Variants in UEVLD observed in about 807,000 individuals in gnomAD.
UEVLD encodes the protein UEV and lactate/malate dehyrogenase domains, also known as ubiquitin-conjugating enzyme E2 variant 3.
In UEVLD, 47 loss-of-function variants were observed where a neutral mutation model predicts 58.6. The ratio of observed to expected loss-of-function variants is 0.80; its 90% CI spans 0.63 to 1.02. UEVLD has a LOEUF of 1.02. UEVLD is among the 50% of genes least tolerant of loss of function. UEVLD has a pLI of 0.00. For synonymous variants in UEVLD, 197 were observed against 195.3 expected (o/e 1.01, Z -0.07); for missense variants, 510 against 550.6 (o/e 0.93, Z 0.74).
chr11:18,543,314 C>T (rs1024253207), intron 9 of UEVLD, among the ~76,000 whole-genome samples: 4 of 152,294 alleles, frequency 2.6e-5, no homozygotes, highest in Admixed American at 1.3e-4. Context: ...TCCAGCTCTT[C>T]GATCGGGTAT....
intron 3 of UEVLD, among the ~76,000 whole-genome samples, chr11:18,571,676 G>A (rs1590361941): frequency 6.6e-6 from 1 of 152,186 alleles, no homozygotes; most frequent in East Asian, 1.9e-4. Flanking sequence ...CATAACTTAA[G>A]TTGGATGTAA....
rs988309309 is a variant in UEVLD at position 18,529,636 on chromosome 11, A to G, written c.*2684T>C. The G allele has an allele frequency of 6.6e-6, 1 of 152,212 alleles. No individual in the cohort carries two copies. The highest frequency in any genetic ancestry group is 1.5e-5 in the Non-Finnish European group (1 of 68,032). The allele number at this position is 152,212 out of a possible 1,614,324, so 9.4% of individuals were successfully genotyped here. Reference sequence around the variant, plus strand: ...ATTTTAAAATCAGTTTATTTTACTCATTATTCTTAATATTTAAGGAAAACA... The same window carrying G: ...ATTTTAAAATCAGTTTATTTTACTCGTTATTCTTAATATTTAAGGAAAACA... On this transcript the variant is annotated 3_prime_UTR_variant, in exon 12 of 12. Coordinates refer to ENST00000396197, the MANE Select transcript of UEVLD (RefSeq NM_001040697.4).
At chr11:18,588,323 A>C (rs1853692024) in intron 1 of UEVLD, among the ~76,000 whole-genome samples, 1 of 152,172 alleles carries the variant, frequency 6.6e-6, no homozygotes, top group African/African-American at 2.4e-5. Context: ...AAAGAGAGAA[A>C]GGCGTGGTTA....
At chr11:18,554,392 ATTTTT>A (rs34857682) in intron 7 of UEVLD, among the ~76,000 whole-genome samples, 1 of 107,550 alleles carries the variant, frequency 9.3e-6, no homozygotes. Flanking sequence ...GTGCCTGGCC[ATTTTT>A]TTTTTTTTTT....
At chr11:18,566,233 G>A (rs2134024919) in intron 5 of UEVLD, 114 bp downstream of exon 5, 1 of 1,434,356 alleles carries the variant, frequency 7.0e-7, no homozygotes, top group East Asian at 2.3e-5. Flanking sequence ...AAAAACAGAT[G>A]TACATACGCA....
rs770480885 is a variant in UEVLD, at chr11:18,546,963, C to T, written c.803G>A (p.Ser268Asn). ...AAGGGCTCTGAACATATCCACATTG[C>T]TCTGTACCACATCAAGGTACGACTG... Reference protein sequence around the residue: ...SSQSYLDVVQSNVDMFRALVP... With the variant: ...SSQSYLDVVQNNVDMFRALVP... The change falls in exon 8 of 12, where the codon AGC (serine) becomes AAC (asparagine). Residue 268 changes from serine (S) to asparagine (N), a missense_variant. Transcript: ENST00000396197. 1 of 1,614,154 alleles carries T rather than the reference C, an allele frequency of 6.2e-7. No homozygotes were observed. Among genetic ancestry groups the T allele is most frequent in the Non-Finnish European group, 8.5e-7 (1 of 1,180,022 alleles).
In UEVLD at chr11:18,547,022, C is replaced by A. The variant is rs1042385735; in HGVS notation, c.744G>T (p.Val248=). Reference sequence around the variant, plus strand: ...CCAAAGAGTTGACTGTGAAGATCACCACCTTGGAATGAGCAGAGGCAGACA... The same window carrying A: ...CCAAAGAGTTGACTGTGAAGATCACAACCTTGGAATGAGCAGAGGCAGACA... ...KDLSASAHSK[V]VIFTVNSLGS... is the part of the protein sequence containing the mutation. The change falls in exon 8 of 12, where the codon GTG becomes GTT. Residue 248 remains valine, a synonymous_variant. Coordinates refer to ENST00000396197, the MANE Select transcript of UEVLD (RefSeq NM_001040697.4). 2.5e-6 allele frequency: 4 copies of A among 1,613,598 alleles called. No individual in the cohort carries two copies. The highest frequency in any genetic ancestry group is 3.4e-6 in the Non-Finnish European group (4 of 1,179,926).
At chr11:18,582,968 G>C (rs945378881) in intron 1 of UEVLD, among the ~76,000 whole-genome samples, 4 of 152,264 alleles carry the variant, frequency 2.6e-5, no homozygotes, top group African/African-American at 9.6e-5. Context: ...TGTCGCCCAG[G>C]CTGGAGTGCA....
chr11:18,537,154 C>G (rs566313882), intron 9 of UEVLD, among the ~76,000 whole-genome samples: 1 of 151,642 alleles, frequency 6.6e-6, no homozygotes, highest in Admixed American at 6.6e-5. Context: ...CTGCTTCGGC[C>G]TCCCAAAGTG....
intron 1 of UEVLD, among the ~76,000 whole-genome samples, chr11:18,586,349 G>T (rs752972896): frequency 1.3e-5 from 2 of 152,120 alleles, no homozygotes; most frequent in African/African-American, 2.4e-5. Context: ...CGAGTAGATG[G>T]GATTACAGGA....
Position 18,588,629 on chromosome 11 carries a change from C to A in UEVLD, c.26G>T (p.Arg9Ile). ...TGCCCGCACCTTGCCAAGCAGCCGT[C>A]TCAGGCCCTCGCAGTCGAACTCCAT... MEFDCEGL[R>I]RLLGKYKFRD... Residue 9 changes from arginine to isoleucine, a missense_variant, in exon 1 of 12, where the codon AGA becomes ATA. Transcript: ENST00000396197. 1 of 1,610,398 alleles carries A rather than the reference C, an allele frequency of 6.2e-7. No individual in the cohort carries two copies. The highest frequency in any genetic ancestry group is 8.5e-7 in the Non-Finnish European group (1 of 1,179,876).
chr11:18,572,881 G>A (rs576638720), intron 3 of UEVLD, among the ~76,000 whole-genome samples: 2 of 151,816 alleles, frequency 1.3e-5, no homozygotes, highest in East Asian at 3.9e-4. Context: ...TATATGCCAG[G>A]CACTATGCCC....
intron 10 of UEVLD, 34 bp from the exon 11 acceptor site, chr11:18,534,487 C>T: frequency 6.5e-7 from 1 of 1,546,164 alleles, no homozygotes; most frequent in Non-Finnish European, 8.6e-7. Flanking sequence ...TCAGAAAATG[C>T]ATAAAATATG....
At chr11:18,557,002 G>C (rs1428004914) in intron 7 of UEVLD, among the ~76,000 whole-genome samples, 1 of 150,884 alleles carries the variant, frequency 6.6e-6, no homozygotes, top group East Asian at 1.9e-4. Flanking sequence ...AGAGGTGAAA[G>C]GATAGCTTGA....
intron 2 of UEVLD, 30 bp from the exon 3 acceptor site, chr11:18,575,442 G>A (rs777248222): frequency 2.5e-6 from 4 of 1,573,916 alleles, no homozygotes; most frequent in South Asian, 1.2e-5. Context: ...GCCCCAAAAT[G>A]TGCAATCAGA....
chr11:18,551,904 A>G (rs1402430997), intron 7 of UEVLD, among the ~76,000 whole-genome samples: 3 of 152,240 alleles, frequency 2.0e-5, no homozygotes, highest in Non-Finnish European at 1.5e-5. Flanking sequence ...TTCTCGGATT[A>G]TGAGGCCAAT....
intron 7 of UEVLD, among the ~76,000 whole-genome samples, chr11:18,552,449 AG>A (rs1258339312): frequency 6.6e-6 from 1 of 152,128 alleles, no homozygotes; most frequent in Non-Finnish European, 1.5e-5. Flanking sequence ...CAGGAGGCCG[AG>A]GCAGGAGAAT....
At position 18,563,071 on chromosome 11, in the gene UEVLD, T is replaced by G. The variant is rs559929524; in HGVS notation, c.612+1821A>C. ...AAAAACAAAAATGAAAAACCATGAC[T>G]TTCAGACTTTCAGATGCCTTCTTGT... On this transcript the variant is annotated intron_variant, in intron 6 of 11. Transcript: ENST00000396197. Among the ~76,000 whole-genome samples, 5 of 150,584 alleles carry G rather than the reference T, an allele frequency of 3.3e-5. No individual in the cohort carries two copies. In the South Asian group the frequency reaches 1.1e-3, roughly 32 times the overall value.
At chr11:18,546,394 A>G (rs1163875759) in intron 8 of UEVLD, among the ~76,000 whole-genome samples, 2 of 152,174 alleles carry the variant, frequency 1.3e-5, no homozygotes, top group African/African-American at 4.8e-5. Context: ...ATAACAAGTA[A>G]CTGGTTGCCA....
Sources: gnomAD v4.1 joint callset for allele counts (sites outside exome capture counted in the v4.1 genomes callset) on GRCh38, gnomAD v4.1.1 for gene constraint, MANE v1.5 for transcripts, NCBI Gene and HGNC (gene_info 2026-07-23, HGNC 2026-07-21) for gene names.